SLC7A7: variants seen among roughly 807,000 people sequenced by gnomAD.
SLC7A7 encodes Y+L amino acid transporter 1.
In SLC7A7, 39 loss-of-function variants were observed where a neutral mutation model predicts 47.9. The observed-to-expected ratio is 0.81, with a 90% CI of 0.63 to 1.06. The LOEUF is 1.06. Ranked by LOEUF, SLC7A7 falls within the 50% of genes least tolerant of loss-of-function variation. The pLI is 0.00. For missense variants in SLC7A7, 588 were observed against 632.0 expected (o/e 0.93, Z 0.75); for synonymous variants, 234 against 242.8 (o/e 0.96, Z 0.34).
In SLC7A7 at chr14:22,775,371, G is replaced by T. The variant is rs1031979690; in HGVS notation, c.1095+73C>A. On this transcript the variant is annotated intron_variant, in intron 7 of 9. Transcript: ENST00000674313. ...ATCTTTCAGAGCTTTCAGGAAGCTA[G>T]AACAGTCGCTTCTGCTGTTACTAAA... The T allele has an allele frequency of 6.8e-6, 8 of 1,181,442 alleles. No homozygotes were observed. The African/African-American group carries it at 7.5e-5, about 11-fold the overall frequency. 73.2% of individuals were successfully genotyped at this position (1,181,442 alleles called of 1,614,324 possible). A position where few individuals can be genotyped will look rare whatever the true frequency, so the allele number is the denominator to read the frequency against.
intron 2 of SLC7A7, among the ~76,000 whole-genome samples, chr14:22,802,421 AC>A (rs1307110153): frequency 3.7e-5 from 3 of 81,178 alleles, no homozygotes; most frequent in Non-Finnish European, 9.7e-5. Flanking sequence ...AACAACAACA[AC>A]CAAACAAACA....
At chr14:22,780,364 G>A (rs2038698032) in intron 2 of SLC7A7, 1 of 340,012 alleles carries the variant, frequency 2.9e-6, no homozygotes, top group Admixed American at 4.2e-5. Context: ...GAACTGTACA[G>A]GATTAGTGAT....
At chr14:22,807,392 T>C (rs942776022) in intron 2 of SLC7A7, among the ~76,000 whole-genome samples, 1 of 152,100 alleles carries the variant, frequency 6.6e-6, no homozygotes. Context: ...ATTATTTCAC[T>C]AGTCCCCATA....
chr14:22,787,294 G>A (rs2038834204), intron 2 of SLC7A7, among the ~76,000 whole-genome samples: 2 of 151,966 alleles, frequency 1.3e-5, no homozygotes, highest in African/African-American at 4.8e-5. Context: ...AAATTATCCG[G>A]GTGTGGTGGT....
chr14:22,775,338 C>G (rs1044367136), intron 7 of SLC7A7, 106 bp downstream of exon 7: 1 of 948,506 alleles, frequency 1.1e-6, no homozygotes, highest in Non-Finnish European at 1.7e-6. Flanking sequence ...AATAGTTTTT[C>G]TATTGGAATC....
At chr14:22,774,640 A>T (rs574582444) in intron 7 of SLC7A7, 137 bp from the exon 8 acceptor site, 1 of 1,117,282 alleles carries the variant, frequency 9.0e-7, no homozygotes, top group South Asian at 1.3e-5. Flanking sequence ...TAATCCCTTT[A>T]ACACCCTAGT....
At chr14:22,819,142 C>G (rs1420517938), upstream of SLC7A7, among the ~76,000 whole-genome samples, 4 of 152,270 alleles carry the variant, frequency 2.6e-5, no homozygotes, top group East Asian at 7.7e-4. Flanking sequence ...CACAATTTCT[C>G]CAGGAACTAG....
intron 7 of SLC7A7, 104 bp downstream of exon 7, chr14:22,775,340 A>G (rs527717316): frequency 5.2e-5 from 50 of 959,684 alleles, no homozygotes; most frequent in Middle Eastern, 2.1e-4. Flanking sequence ...TAGTTTTTCT[A>G]TTGGAATCTT....
At chr14:22,806,187 CTTTTTTTTTTT>C (rs77783824) in intron 2 of SLC7A7, among the ~76,000 whole-genome samples, 2 of 78,278 alleles carry the variant, frequency 2.6e-5, no homozygotes, top group African/African-American at 5.4e-5. Flanking sequence ...ACATCAATCT[CTTTTTTTTTTT>C]TTTTTTTTTT....
At chr14:22,791,683 T>C (rs1237343606) in intron 2 of SLC7A7, among the ~76,000 whole-genome samples, 1 of 152,126 alleles carries the variant, frequency 6.6e-6, no homozygotes, top group African/African-American at 2.4e-5. Flanking sequence ...ACTCTACCAC[T>C]GCTGTTTCCT....
chr14:22,807,401 T>G (rs1038442097), intron 2 of SLC7A7, among the ~76,000 whole-genome samples: 1 of 152,066 alleles, frequency 6.6e-6, no homozygotes, highest in African/African-American at 2.4e-5. Context: ...CTAGTCCCCA[T>G]ACCCCTGCTT....
chr14:22,804,173 C>T (rs1041056600), intron 2 of SLC7A7, among the ~76,000 whole-genome samples: 3 of 152,192 alleles, frequency 2.0e-5, no homozygotes, highest in African/African-American at 4.8e-5. Context: ...AACTGGAGCC[C>T]TTCCTTATAT....
At chr14:22,786,113 A>G (rs140910349) in intron 2 of SLC7A7, among the ~76,000 whole-genome samples, 3,373 of 151,904 alleles carry the variant, frequency 0.022, 53 homozygotes, top group Non-Finnish European at 0.037. Context: ...GAGGTCAGGA[A>G]ATTGAGACCA....
intron 7 of SLC7A7, among the ~76,000 whole-genome samples, chr14:22,775,079 T>C (rs569204916): frequency 1.9e-5 from 2 of 102,652 alleles, no homozygotes; most frequent in African/African-American, 6.4e-5. Context: ...GAGAACACTT[T>C]GGTGGATTTT....
chr14:22,816,999 C>A (rs554221209), upstream of SLC7A7, among the ~76,000 whole-genome samples: 10 of 152,172 alleles, frequency 6.6e-5, no homozygotes, highest in South Asian at 2.1e-3. Context: ...CTGGGCCAGA[C>A]ACACTGCTAA....
intron 2 of SLC7A7, among the ~76,000 whole-genome samples, chr14:22,787,930 G>A (rs948503161): frequency 2.6e-5 from 4 of 151,892 alleles, no homozygotes; most frequent in East Asian, 1.9e-4. Flanking sequence ...AAAGTTAGCC[G>A]GGCGTGGTGG....
intron 4 of SLC7A7, among the ~76,000 whole-genome samples, chr14:22,777,042 C>G (rs1002535301): frequency 1.2e-4 from 18 of 146,308 alleles, no homozygotes; most frequent in African/African-American, 4.1e-4. Flanking sequence ...ATTTGGGAGG[C>G]TGAGGTGGGA....
intron 2 of SLC7A7, among the ~76,000 whole-genome samples, chr14:22,786,451 C>T (rs1305145171): frequency 6.6e-6 from 1 of 152,190 alleles, no homozygotes; most frequent in African/African-American, 2.4e-5. Flanking sequence ...TCATTTATTT[C>T]ACTTTGTCAT....
chr14:22,785,668 C>T (rs2038799890), intron 2 of SLC7A7, among the ~76,000 whole-genome samples: 1 of 148,480 alleles, frequency 6.7e-6, no homozygotes, highest in East Asian at 2.0e-4. Flanking sequence ...GTGGAGGTTG[C>T]GGTGAACTGA....
Sources: gnomAD v4.1 joint callset for allele counts (sites outside exome capture counted in the v4.1 genomes callset) on GRCh38, gnomAD v4.1.1 for gene constraint, MANE v1.5 for transcripts, NCBI Gene and HGNC (gene_info 2026-07-23, HGNC 2026-07-21) for gene names.